GNAS: variants seen among roughly 807,000 people sequenced by gnomAD.
GNAS encodes GNAS complex locus, also known as protein ALEX.
GNAS carries 8 observed loss-of-function variants against 54.5 expected under a neutral mutation model. That is an observed-to-expected ratio of 0.15 (90% CI 0.09 to 0.26). GNAS has a LOEUF of 0.26. Ranked by LOEUF, GNAS falls within the 10% of genes least tolerant of loss-of-function variation. The pLI, the probability that GNAS is intolerant of heterozygous loss-of-function variation, is 1.00. For synonymous variants in GNAS, 204 were observed against 191.4 expected (o/e 1.07, Z -0.54); for missense variants, 170 against 529.8 (o/e 0.32, Z 6.67).
chr20:58,900,433 T>G (rs2090501916), intron 3 of GNAS: 1 of 199,932 alleles, frequency 5.0e-6, no homozygotes, highest in African/African-American at 2.3e-5. Context: ...GCGTCTGTCT[T>G]CTGTCTTCCT....
chr20:58,893,197 G>A (rs6026581), intron 1 of GNAS, among the ~76,000 whole-genome samples: 4 of 149,972 alleles, frequency 2.7e-5, no homozygotes, highest in Admixed American at 2.0e-4. Context: ...GTGACATTTA[G>A]TTGTTTGGTT....
intron 1 of GNAS, among the ~76,000 whole-genome samples, chr20:58,848,579 G>A (rs748605883): frequency 2.0e-5 from 3 of 152,140 alleles, no homozygotes; most frequent in Admixed American, 6.5e-5. Context: ...GGCCCCAGAC[G>A]ATGCTGCCCA....
chr20:58,869,093 G>A (rs1430005757), intron 1 of GNAS, among the ~76,000 whole-genome samples: 1 of 152,184 alleles, frequency 6.6e-6, no homozygotes, highest in Admixed American at 6.5e-5. Context: ...CTTTTAACGA[G>A]TGGATCTGAA....
At chr20:58,901,378 TCACTCCC>T (rs559478595) in intron 3 of GNAS, among the ~76,000 whole-genome samples, 1 of 152,328 alleles carries the variant, frequency 6.6e-6, no homozygotes, top group African/African-American at 2.4e-5. Context: ...CGGTCAGGAC[TCACTCCC>T]TTTCACTCTA....
chr20:58,848,247 A>G (rs1176704358), intron 1 of GNAS, among the ~76,000 whole-genome samples: 2 of 152,166 alleles, frequency 1.3e-5, no homozygotes, highest in Non-Finnish European at 2.9e-5. Flanking sequence ...GGGTTTCGAC[A>G]GCCAATCCTG....
At chr20:58,877,025 A>G (rs1341194177) in intron 1 of GNAS, 1 of 152,402 alleles carries the variant, frequency 6.6e-6, no homozygotes, top group African/African-American at 2.4e-5. Context: ...TCAGGCAGAG[A>G]AAGGACCACT....
In GNAS at chr20:58,910,611, G is replaced by T; in HGVS notation, c.1039-72G>T. 6.4e-7 allele frequency: 1 copy of T among 1,558,072 alleles called. No individual in the cohort carries two copies. Among genetic ancestry groups the T allele is most frequent in the Non-Finnish European group, 8.8e-7 (1 of 1,130,024 alleles). Reference sequence around the variant, plus strand: ...GGCTGGCTGACAGCCGTCCCTGGTAGGTGTCCCCATCAGGGATAGGGTGGT... The same window carrying T: ...GGCTGGCTGACAGCCGTCCCTGGTATGTGTCCCCATCAGGGATAGGGTGGT... On this transcript the variant is annotated intron_variant, in intron 12 of 12. Transcript: ENST00000371085. The surrounding 1 kb of genome is among the most constrained non-coding windows in gnomAD (Gnocchi z 5.8).
intron 6 of GNAS, among the ~76,000 whole-genome samples, chr20:58,906,425 G>T (rs74336821): frequency 2.6e-5 from 4 of 152,152 alleles, no homozygotes; most frequent in African/African-American, 9.7e-5. Context: ...AGAGGACATC[G>T]TACCCGATAG....
intron 1 of GNAS, among the ~76,000 whole-genome samples, chr20:58,886,169 G>A (rs1038655589): frequency 4.6e-5 from 7 of 152,216 alleles, no homozygotes; most frequent in African/African-American, 9.7e-5. Context: ...TTATCACCAC[G>A]AAGCTGACAA....
chr20:58,881,725 G>A (rs1036280670), intron 1 of GNAS: 1 of 152,060 alleles, frequency 6.6e-6, no homozygotes, highest in South Asian at 2.1e-4. Context: ...CATACCCGGG[G>A]GTAATCATAC....
At chr20:58,851,012 G>T in intron 1 of GNAS, 1 of 398,110 alleles carries the variant, frequency 2.5e-6, no homozygotes, top group Non-Finnish European at 4.4e-6. Context: ...CGCTGGGGTC[G>T]GAGGGGAGTG....
chr20:58,855,492 C>CAT, intron 1 of GNAS: 1 of 760,782 alleles, frequency 1.3e-6, no homozygotes, highest in Non-Finnish European at 2.4e-6. Context: ...GGGACCCTAA[C>CAT]TGCCCTGGGA....
chr20:58,876,119 C>G (rs1380545011), intron 1 of GNAS, among the ~76,000 whole-genome samples: 1 of 152,178 alleles, frequency 6.6e-6, no homozygotes, highest in Non-Finnish European at 1.5e-5. Flanking sequence ...CCCAGATTGC[C>G]ATCTTGACTT....
chr20:58,897,118 A>C (rs933557811), intron 2 of GNAS, among the ~76,000 whole-genome samples: 1 of 152,234 alleles, frequency 6.6e-6, no homozygotes, highest in Non-Finnish European at 1.5e-5. Flanking sequence ...GTTGGGATGC[A>C]CAGGGGGCTT....
intron 1 of GNAS, chr20:58,892,116 G>A: frequency 1.0e-6 from 1 of 967,480 alleles, no homozygotes; most frequent in African/African-American, 1.8e-5. Flanking sequence ...CGGCCTGCCC[G>A]CTCAGTGTCT....
rs1330598453 is a variant in GNAS, at chr20:58,891,603, C to G, written c.-124C>G. On this transcript the variant is annotated 5_prime_UTR_variant, in exon 1 of 13. Transcript: ENST00000371085. Reference sequence around the variant, plus strand: ...GCAGTCCGCCCCGCGCGCTCCTTGCCGAGGAGCCGAGCCCGCGCCCGGCCC... The same window carrying G: ...GCAGTCCGCCCCGCGCGCTCCTTGCGGAGGAGCCGAGCCCGCGCCCGGCCC... The G allele has an allele frequency of 6.2e-6, 6 of 972,018 alleles. No homozygotes were observed. Among genetic ancestry groups the G allele is most frequent in the Non-Finnish European group, 6.1e-6 (5 of 822,932 alleles). 60.2% of individuals were successfully genotyped at this position (972,018 alleles called of 1,614,324 possible).
At chr20:58,869,580 C>T (rs2087298786) in intron 1 of GNAS, among the ~76,000 whole-genome samples, 2 of 152,186 alleles carry the variant, frequency 1.3e-5, no homozygotes, top group Non-Finnish European at 2.9e-5. Context: ...GCATTTAAGA[C>T]AATATGGAGA....
chr20:58,865,531 A>G (rs35582814), intron 1 of GNAS, among the ~76,000 whole-genome samples: 23,290 of 143,758 alleles, frequency 0.16, 1,921 homozygotes, highest in African/African-American at 0.21. Context: ...TATATCATCT[A>G]TAATATAAAA....
intron 1 of GNAS, chr20:58,842,657 G>A: frequency 5.0e-6 from 2 of 396,828 alleles, no homozygotes; most frequent in African/African-American, 2.1e-5. Context: ...CTTTTGGCTT[G>A]CCCCTAAGTC....
Sources: allele counts gnomAD v4.1 joint callset (sites outside exome capture counted in the v4.1 genomes callset), GRCh38; gene constraint gnomAD v4.1.1; non-coding constraint Gnocchi (gnomAD v3.1); transcripts MANE v1.5; gene names NCBI Gene and HGNC (gene_info 2026-07-23, HGNC 2026-07-21).